Variants in SVOP observed in about 807,000 individuals in gnomAD.
SVOP encodes the protein SV2 related protein, also known as synaptic vesicle 2-related protein.
SVOP carries 17 observed loss-of-function variants against 69.1 expected under a neutral mutation model. The observed-to-expected ratio is 0.25, with a 90% CI of 0.17 to 0.37. SVOP has a LOEUF of 0.37. Among genes scored for constraint, SVOP ranks in the 10% least tolerant of loss-of-function variants. The probability of loss-of-function intolerance (pLI) is 1.00; values close to 1 mark genes in which losing one functional copy is unlikely to be tolerated. For synonymous variants in SVOP, 238 were observed against 238.6 expected, an observed-to-expected ratio of 1.00 and a Z score of 0.02; for missense variants, 435 against 597.5, an observed-to-expected ratio of 0.73 and a Z score of 2.84.
chr12:108,960,582 T>G (rs1311859854), intron 6 of SVOP, among the ~76,000 whole-genome samples: 2 of 152,118 alleles, frequency 1.3e-5, no homozygotes, highest in Non-Finnish European at 2.9e-5. Context: ...AGGCTCAGTT[T>G]CCCCAACTGT....
chr12:108,946,435 T>C (rs1477276631), intron 6 of SVOP, among the ~76,000 whole-genome samples: 1 of 152,092 alleles, frequency 6.6e-6, no homozygotes, highest in Non-Finnish European at 1.5e-5. Flanking sequence ...TCATTCCTTC[T>C]ATATTTATTA....
rs1031484118 is a variant in SVOP, at chr12:108,958,446, C to A, written c.578+2477G>T. Among the ~76,000 whole-genome samples the A allele has an allele frequency of 2.8e-4, 43 of 152,064 alleles. 1 individual carries two copies. The highest frequency in any genetic ancestry group is 9.2e-4 in the African/African-American group (38 of 41,384). On this transcript the variant is annotated intron_variant, in intron 6 of 15. Transcript: ENST00000610966. ...GCTGTACGGGTGTGTAGCCCTGGAG[C>A]AATAGGCTATACCGTATAGCCTAGC...
intron 10 of SVOP, among the ~76,000 whole-genome samples, chr12:108,935,595 C>T (rs1244046407): frequency 6.6e-6 from 1 of 152,146 alleles, no homozygotes; most frequent in Non-Finnish European, 1.5e-5. Flanking sequence ...AAGCTTTTTT[C>T]TCCTCTTCCC....
At position 108,957,507 on chromosome 12, in the gene SVOP, TC is replaced by T. The variant is rs1272587351; in HGVS notation, c.578+3415del. ...CAGCTGCTACCCAGTAACTTTGGGCTCCTTTGTGTCAAGAAATGAACAGGCA... is the reference window on the plus strand; with the variant it reads ...CAGCTGCTACCCAGTAACTTTGGGCTCTTTGTGTCAAGAAATGAACAGGCA... On this transcript the variant is annotated intron_variant, in intron 6 of 15. Transcript: ENST00000610966. Among the ~76,000 whole-genome samples, 3 of 152,256 alleles carry T rather than the reference TC, an allele frequency of 2.0e-5. No individual in the cohort carries two copies. The East Asian group carries it at 5.8e-4, about 29-fold the overall frequency.
chr12:108,915,354 G>A (rs753365936), intron 15 of SVOP, among the ~76,000 whole-genome samples: 4 of 151,954 alleles, frequency 2.6e-5, no homozygotes, highest in African/African-American at 7.3e-5. Flanking sequence ...CTTCCCAGTC[G>A]AGTGGTCCCC....
At chr12:109,019,847 C>T (rs35321513) in intron 1 of SVOP, among the ~76,000 whole-genome samples, 442 of 152,266 alleles carry the variant, frequency 2.9e-3, no homozygotes, top group Non-Finnish European at 5.2e-3. Flanking sequence ...CTAAAAGTCA[C>T]TTGGGAGAAT....
chr12:109,015,059 T>C (rs1042974856), intron 1 of SVOP, among the ~76,000 whole-genome samples: 3 of 152,144 alleles, frequency 2.0e-5, no homozygotes, highest in African/African-American at 2.4e-5. Flanking sequence ...GCCATCCTGA[T>C]GGGTATATGA....
chr12:108,973,000 T>C (rs2040087661), intron 4 of SVOP, among the ~76,000 whole-genome samples: 1 of 152,214 alleles, frequency 6.6e-6, no homozygotes, highest in Non-Finnish European at 1.5e-5. Context: ...TGAATGATCC[T>C]ACTCATATGA....
rs1346311730 is a variant in SVOP at position 108,938,824 on chromosome 12, G to A, written c.897+3C>T. On this transcript the variant is annotated splice_donor_region_variant and intron_variant, in intron 9 of 15. Coordinates refer to ENST00000610966, the MANE Select transcript of SVOP (RefSeq NM_018711.5). ...TGCAGAGTCTATTGGTCCAGGCACT[G>A]ACCTGTCTGGAGATGATGAGTTTCC... The A allele has an allele frequency of 6.2e-7, 1 of 1,613,980 alleles. No homozygotes were observed. The highest frequency in any genetic ancestry group is 8.5e-7 in the Non-Finnish European group (1 of 1,179,868).
chr12:108,929,300 T>G (rs536833516), intron 11 of SVOP, among the ~76,000 whole-genome samples: 190 of 152,326 alleles, frequency 1.2e-3, no homozygotes, highest in Non-Finnish European at 2.1e-3. Flanking sequence ...TATTTATTTA[T>G]TTAGTTAGTT....
At chr12:108,946,297 A>G (rs1421766991) in intron 6 of SVOP, among the ~76,000 whole-genome samples, 1 of 151,278 alleles carries the variant, frequency 6.6e-6, no homozygotes, top group Non-Finnish European at 1.5e-5. Context: ...ATGAGGTCTC[A>G]CTATGTTGTT....
chr12:108,978,537 G>C, intron 3 of SVOP, 41 bp downstream of exon 3: 1 of 701,542 alleles, frequency 1.4e-6, no homozygotes, highest in South Asian at 1.5e-5. Context: ...CAGCATGGGG[G>C]TTTCTTGGAG....
chr12:108,964,597 G>T (rs1201831481), intron 5 of SVOP, among the ~76,000 whole-genome samples: 1 of 152,072 alleles, frequency 6.6e-6, no homozygotes, highest in Non-Finnish European at 1.5e-5. Context: ...CTTTCCAGCT[G>T]CCCCAAAATG....
At chr12:108,966,444 C>T (rs920440557) in intron 5 of SVOP, among the ~76,000 whole-genome samples, 1 of 152,086 alleles carries the variant, frequency 6.6e-6, no homozygotes, top group African/African-American at 2.4e-5. Context: ...TATGTGAATG[C>T]CCCACAATAT....
intron 5 of SVOP, among the ~76,000 whole-genome samples, chr12:108,967,480 C>T (rs1387565138): frequency 6.7e-6 from 1 of 149,548 alleles, no homozygotes; most frequent in Non-Finnish European, 1.5e-5. Context: ...GCCTGGGTGA[C>T]AAAGCGCGAC....
chr12:108,916,642 A>G (rs1394214609), intron 14 of SVOP, among the ~76,000 whole-genome samples: 1 of 152,236 alleles, frequency 6.6e-6, no homozygotes, highest in Non-Finnish European at 1.5e-5. Flanking sequence ...TGGATAAGAA[A>G]GGCACACGAT....
intron 1 of SVOP, among the ~76,000 whole-genome samples, chr12:109,005,455 A>G (rs1157550114): frequency 6.6e-6 from 1 of 152,216 alleles, no homozygotes; most frequent in Non-Finnish European, 1.5e-5. Flanking sequence ...GAGGGCTGAC[A>G]TGCTGAGTGA....
At chr12:108,932,022 T>C (rs1190655855) in intron 11 of SVOP, among the ~76,000 whole-genome samples, 3 of 151,678 alleles carry the variant, frequency 2.0e-5, no homozygotes, top group Non-Finnish European at 2.9e-5. Flanking sequence ...TTTATTTTTA[T>C]TTTTTTTACA....
Position 108,982,054 on chromosome 12 carries a change from G to A in SVOP, c.196+1547C>T, listed in dbSNP as rs925790904. Among the ~76,000 whole-genome samples the A allele has an allele frequency of 3.6e-3, 482 of 133,844 alleles. 3 individuals are homozygous for A. The highest frequency in any genetic ancestry group is 0.013 in the African/African-American group (449 of 35,362). The allele number at this position is 133,844 out of a possible 152,430, so 87.8% of individuals were successfully genotyped here. On this transcript the variant is annotated intron_variant, in intron 2 of 15. Transcript: ENST00000610966. ...CATCATCATCACTATCATCATCATCGTCACCATCATAACCACCATCTTCAT... is the reference window on the plus strand; with the variant it reads ...CATCATCATCACTATCATCATCATCATCACCATCATAACCACCATCTTCAT...
Sources: gnomAD v4.1 joint callset for allele counts (sites outside exome capture counted in the v4.1 genomes callset) on GRCh38, gnomAD v4.1.1 for gene constraint, MANE v1.5 for transcripts, NCBI Gene and HGNC (gene_info 2026-07-23, HGNC 2026-07-21) for gene names.